LRMDA: variants seen among roughly 807,000 people sequenced by gnomAD.
LRMDA encodes the protein leucine rich melanocyte differentiation associated.
In LRMDA, 18 loss-of-function variants were observed where a neutral mutation model predicts 29.8. That is an observed-to-expected ratio of 0.60 (90% CI 0.42 to 0.90). The LOEUF is 0.90. LRMDA is among the 40% of genes least tolerant of loss of function. The pLI, the probability that LRMDA is intolerant of heterozygous loss-of-function variation, is 0.00. For synonymous variants in LRMDA, 125 were observed against 109.4 expected, an observed-to-expected ratio of 1.14 and a Z score of -0.89; for missense variants, 273 against 273.9, an observed-to-expected ratio of 1.00 and a Z score of 0.02.
intron 2 of LRMDA, among the ~76,000 whole-genome samples, chr10:75,573,649 C>T (rs189915328): frequency 6.6e-6 from 1 of 152,034 alleles, no homozygotes; most frequent in African/African-American, 2.4e-5. Context: ...AATGTTTCCC[C>T]CATTGTGTCT....
chr10:75,831,954 G>A (rs1305011441), intron 2 of LRMDA, among the ~76,000 whole-genome samples: 1 of 152,184 alleles, frequency 6.6e-6, no homozygotes, highest in Non-Finnish European at 1.5e-5. Flanking sequence ...TGGGGACCCT[G>A]GGCCCAGCCC....
chr10:75,441,754 C>G (rs1036913992), intron 2 of LRMDA, among the ~76,000 whole-genome samples: 3 of 149,560 alleles, frequency 2.0e-5, no homozygotes, highest in African/African-American at 7.7e-5. Context: ...AATATCTCTA[C>G]AGGCTTTCTT....
intron 5 of LRMDA, among the ~76,000 whole-genome samples, chr10:76,163,874 C>T (rs1375882874): frequency 6.6e-6 from 1 of 152,108 alleles, no homozygotes; most frequent in African/African-American, 2.4e-5. Flanking sequence ...TTCATGACTG[C>T]ACATTTAGCC....
intron 2 of LRMDA, among the ~76,000 whole-genome samples, chr10:75,819,652 G>A (rs1376750538): frequency 6.6e-6 from 1 of 152,150 alleles, no homozygotes; most frequent in Non-Finnish European, 1.5e-5. Flanking sequence ...TGGGTTGGCA[G>A]TTGTGGTTCT....
chr10:76,385,939 T>G (rs1357312672), intron 6 of LRMDA, among the ~76,000 whole-genome samples: 1 of 152,200 alleles, frequency 6.6e-6, no homozygotes, highest in Non-Finnish European at 1.5e-5. Flanking sequence ...ATATCTTAGT[T>G]GACTCATCTT....
intron 2 of LRMDA, among the ~76,000 whole-genome samples, chr10:75,842,678 G>GT: frequency 6.6e-6 from 1 of 152,302 alleles, no homozygotes; most frequent in South Asian, 2.1e-4. Flanking sequence ...GAGCGTGTTT[G>GT]TATGTGTGTA....
chr10:76,139,891 A>G (rs1406935566), intron 5 of LRMDA, among the ~76,000 whole-genome samples: 1 of 151,914 alleles, frequency 6.6e-6, no homozygotes, highest in Non-Finnish European at 1.5e-5. Context: ...TGGCTTTTAA[A>G]TCTCTCTGTG....
At chr10:76,490,762 G>A (rs1290497740) in intron 6 of LRMDA, among the ~76,000 whole-genome samples, 1 of 151,822 alleles carries the variant, frequency 6.6e-6, no homozygotes, top group Admixed American at 6.6e-5. Flanking sequence ...GGAGAATTCA[G>A]TCCATTTACA....
At chr10:75,791,293 G>A (rs1843560515) in intron 2 of LRMDA, among the ~76,000 whole-genome samples, 3 of 152,182 alleles carry the variant, frequency 2.0e-5, no homozygotes, top group African/African-American at 7.2e-5. Context: ...CCACCCCCTT[G>A]TTATACCATC....
chr10:76,462,595 C>T (rs1259923254), intron 6 of LRMDA, among the ~76,000 whole-genome samples: 1 of 152,188 alleles, frequency 6.6e-6, no homozygotes, highest in Admixed American at 6.5e-5. Flanking sequence ...TGAAATTCTC[C>T]CATAGGTACA....
At chr10:75,434,612 G>A (rs1427411823) in intron 1 of LRMDA, among the ~76,000 whole-genome samples, 1 of 152,158 alleles carries the variant, frequency 6.6e-6, no homozygotes, top group African/African-American at 2.4e-5. Flanking sequence ...TGAATGATAA[G>A]GTCTTGCTCT....
At chr10:75,433,947 T>A (rs932406838) in intron 1 of LRMDA, among the ~76,000 whole-genome samples, 2 of 152,088 alleles carry the variant, frequency 1.3e-5, no homozygotes, top group African/African-American at 4.8e-5. Context: ...GTGGAGCTGG[T>A]TTTTAGGAGC....
chr10:76,143,789 T>C (rs903434815), intron 5 of LRMDA, among the ~76,000 whole-genome samples: 2 of 152,214 alleles, frequency 1.3e-5, no homozygotes, highest in African/African-American at 2.4e-5. Context: ...CTGAATGGTA[T>C]TGCCTAGGTT....
chr10:76,443,018 T>G (rs571538818), intron 6 of LRMDA, among the ~76,000 whole-genome samples: 1 of 152,302 alleles, frequency 6.6e-6, no homozygotes, highest in East Asian at 1.9e-4. Flanking sequence ...CTTATTTAAC[T>G]GATGAGGAAA....
intron 2 of LRMDA, among the ~76,000 whole-genome samples, chr10:75,583,257 C>T (rs1221126668): frequency 6.6e-6 from 1 of 152,106 alleles, no homozygotes; most frequent in African/African-American, 2.4e-5. Flanking sequence ...TTTCATGCTG[C>T]TATAAAGAAA....
intron 5 of LRMDA, among the ~76,000 whole-genome samples, chr10:76,271,443 A>G (rs1273075986): frequency 1.3e-5 from 2 of 152,024 alleles, no homozygotes; most frequent in African/African-American, 2.4e-5. Context: ...TAAAATTTCC[A>G]TGCTAAAAAA....
At chr10:76,382,284 A>G (rs1841602171) in intron 6 of LRMDA, among the ~76,000 whole-genome samples, 1 of 152,222 alleles carries the variant, frequency 6.6e-6, no homozygotes, top group South Asian at 2.1e-4. Flanking sequence ...TTTTAACAGC[A>G]TGGTCTAAAG....
intron 2 of LRMDA, among the ~76,000 whole-genome samples, chr10:75,858,907 G>A (rs758570860): frequency 6.6e-6 from 1 of 152,208 alleles, no homozygotes; most frequent in Non-Finnish European, 1.5e-5. Flanking sequence ...TGCTTCTTCT[G>A]TGAATTTATA....
chr10:75,508,259 GTT>G (rs34677286), intron 2 of LRMDA, among the ~76,000 whole-genome samples: 124 of 151,942 alleles, frequency 8.2e-4, no homozygotes, highest in Admixed American at 6.6e-4. Flanking sequence ...TTATGGTGGT[GTT>G]TTTTTCCCCC....
Sources: gnomAD v4.1 joint callset for allele counts (sites outside exome capture counted in the v4.1 genomes callset) on GRCh38, gnomAD v4.1.1 for gene constraint, MANE v1.5 for transcripts, NCBI Gene and HGNC (gene_info 2026-07-23, HGNC 2026-07-21) for gene names.